PARD3B: variants seen among roughly 807,000 people sequenced by gnomAD.
The protein encoded by PARD3B is par-3 family cell polarity regulator beta.
Under a neutral mutation model 130.2 loss-of-function variants are expected in PARD3B, and 103 were observed. The observed-to-expected ratio is 0.79, with a 90% CI of 0.67 to 0.93. The LOEUF (loss-of-function observed/expected upper bound fraction) is 0.93. Among genes scored for constraint, PARD3B ranks in the 40% least tolerant of loss-of-function variants. The pLI, the probability that PARD3B is intolerant of heterozygous loss-of-function variation, is 0.00. For synonymous variants in PARD3B, 583 were observed against 553.2 expected (o/e 1.05, Z -0.76); for missense variants, 1,609 against 1,499.2 (o/e 1.07, Z -1.21).
intron 18 of PARD3B, among the ~76,000 whole-genome samples, chr2:205,329,077 A>T (rs144677033): frequency 1.3e-5 from 2 of 152,290 alleles, no homozygotes; most frequent in East Asian, 3.9e-4. Context: ...CTTCTCTGGC[A>T]TGCCATTCAT....
At chr2:204,643,765 C>T (rs1397976610) in intron 1 of PARD3B, among the ~76,000 whole-genome samples, 1 of 152,080 alleles carries the variant, frequency 6.6e-6, no homozygotes, top group Admixed American at 6.5e-5. Context: ...CTAGCAATTG[C>T]CTATTTATTC....
chr2:204,727,253 CT>C (rs1236256206), intron 2 of PARD3B, among the ~76,000 whole-genome samples: 1 of 152,150 alleles, frequency 6.6e-6, no homozygotes, highest in Non-Finnish European at 1.5e-5. Context: ...ATGTTTCATT[CT>C]CTTTGAATAG....
chr2:204,706,381 A>G (rs978574695), intron 2 of PARD3B, among the ~76,000 whole-genome samples: 7 of 147,996 alleles, frequency 4.7e-5, no homozygotes, highest in African/African-American at 1.8e-4. Flanking sequence ...AAAAAAAAAG[A>G]AAAAGAAAAA....
rs1559247097 is a variant in PARD3B at position 205,589,212 on chromosome 2, CG to C, written c.3261-26241del. ...CTGAGATAGGAGGATCTCTTGAGCC[CG>C]GGAGGTCGAGGCAGCTGTAGTAAGC... On this transcript the variant is annotated intron_variant, in intron 22 of 22. Coordinates refer to ENST00000406610, the MANE Select transcript of PARD3B (RefSeq NM_001302769.2). The surrounding 1 kb of genome is among the most constrained non-coding windows in gnomAD (Gnocchi z 4.1). Among the ~76,000 whole-genome samples the C allele has an allele frequency of 6.6e-6, 1 of 152,170 alleles. No individual in the cohort carries two copies. Among genetic ancestry groups the C allele is most frequent in the Admixed American group, 6.5e-5 (1 of 15,274 alleles).
chr2:205,343,493 G>A (rs1395615059), intron 18 of PARD3B, among the ~76,000 whole-genome samples: 2 of 152,190 alleles, frequency 1.3e-5, no homozygotes, highest in African/African-American at 2.4e-5. Flanking sequence ...ATCCTACAGG[G>A]AAACTTGTGC....
At chr2:205,598,469 A>T (rs1195323978) in intron 22 of PARD3B, among the ~76,000 whole-genome samples, 1 of 152,206 alleles carries the variant, frequency 6.6e-6, no homozygotes, top group Non-Finnish European at 1.5e-5. Context: ...ATTCATAAAA[A>T]TAAATTCTTA....
chr2:204,894,766 C>A (rs562221599), intron 2 of PARD3B, among the ~76,000 whole-genome samples: 2 of 152,022 alleles, frequency 1.3e-5, no homozygotes, highest in African/African-American at 4.8e-5. Flanking sequence ...AATTAAATTT[C>A]TTGGGTTTGT....
chr2:205,208,421 G>T (rs1341825170), intron 15 of PARD3B, among the ~76,000 whole-genome samples: 3 of 142,882 alleles, frequency 2.1e-5, no homozygotes, highest in African/African-American at 5.5e-5. Context: ...AAAAGAGGAA[G>T]TCAAATTGTC....
intron 22 of PARD3B, among the ~76,000 whole-genome samples, chr2:205,556,196 C>G (rs983289891): frequency 1.3e-5 from 2 of 152,184 alleles, no homozygotes; most frequent in African/African-American, 4.8e-5. Flanking sequence ...TAATTAAAAA[C>G]AGGAATAAAT....
chr2:205,156,014 A>T (rs913160468), intron 10 of PARD3B, among the ~76,000 whole-genome samples: 2 of 152,140 alleles, frequency 1.3e-5, no homozygotes, highest in Non-Finnish European at 2.9e-5. Context: ...AACCAACCCA[A>T]ATGTCCAACA....
chr2:204,999,539 A>C (rs1478758315), intron 3 of PARD3B, among the ~76,000 whole-genome samples: 3 of 152,218 alleles, frequency 2.0e-5, no homozygotes, highest in African/African-American at 7.2e-5. Context: ...TTCCAAGCGC[A>C]CCCAATCTTT....
chr2:204,788,987 C>T (rs907101801), intron 2 of PARD3B, among the ~76,000 whole-genome samples: 1 of 152,116 alleles, frequency 6.6e-6, no homozygotes, highest in Non-Finnish European at 1.5e-5. Context: ...CATTCACTTA[C>T]ATTTTTATCA....
chr2:204,716,877 CTCCCAAAT>C (rs2038757635), intron 2 of PARD3B, among the ~76,000 whole-genome samples: 1 of 152,126 alleles, frequency 6.6e-6, no homozygotes, highest in South Asian at 2.1e-4. Flanking sequence ...CTGCGTCGGC[CTCCCAAAT>C]TGGTGGGATT....
chr2:204,601,188 G>A (rs560659623), intron 1 of PARD3B, among the ~76,000 whole-genome samples: 53 of 151,966 alleles, frequency 3.5e-4, no homozygotes, highest in African/African-American at 1.2e-3. Context: ...ATTTGTAATA[G>A]CAATGAACAC....
At position 205,575,492 on chromosome 2, in the gene PARD3B, T is replaced by C. The variant is rs1443200507; in HGVS notation, c.3260+22089T>C. 2.0e-5 allele frequency among the ~76,000 whole-genome samples: 3 copies of C among 151,982 alleles called. No homozygotes were observed. The highest frequency in any genetic ancestry group is 7.3e-5 in the African/African-American group (3 of 41,374). On this transcript the variant is annotated intron_variant, in intron 22 of 22. Coordinates refer to ENST00000406610, the MANE Select transcript of PARD3B (RefSeq NM_001302769.2). The surrounding 1 kb of genome is among the most constrained non-coding windows in gnomAD (Gnocchi z 4.6). ...ATCATTATAGTATCATGCAAAGTGT[T>C]TTTACTGCCCTAAAAATCTTAAGTG...
intron 2 of PARD3B, among the ~76,000 whole-genome samples, chr2:204,882,739 A>G (rs1186785593): frequency 2.0e-5 from 3 of 152,244 alleles, no homozygotes; most frequent in Admixed American, 6.5e-5. Context: ...TTAGAAATAC[A>G]AAATCTTGCC....
chr2:204,919,221 A>G lies in PARD3B; in HGVS notation c.223-45931A>G, dbSNP rs557765524. ...TCCTAAGTACTTTAGCATGCATATC[A>G]TTAGCAAGAGTTTCATATTATTTAA... On this transcript the variant is annotated intron_variant, in intron 2 of 22. Transcript: ENST00000406610. Among the ~76,000 whole-genome samples, 309 of 152,306 alleles carry G rather than the reference A, an allele frequency of 2.0e-3. 1 individual carries two copies. Among genetic ancestry groups the G allele is most frequent in the African/African-American group, 7.2e-3 (298 of 41,568 alleles).
chr2:204,772,323 A>G (rs2041420394), intron 2 of PARD3B, among the ~76,000 whole-genome samples: 1 of 152,050 alleles, frequency 6.6e-6, no homozygotes, highest in Admixed American at 6.6e-5. Flanking sequence ...CAAGCATTGT[A>G]ACCACAGTAA....
At chr2:204,851,500 TAC>T (rs961962526) in intron 2 of PARD3B, among the ~76,000 whole-genome samples, 1 of 152,206 alleles carries the variant, frequency 6.6e-6, no homozygotes, top group Non-Finnish European at 1.5e-5. Context: ...AACTTTATTT[TAC>T]AGAGTTTTAT....
Sources: allele counts gnomAD v4.1 joint callset (sites outside exome capture counted in the v4.1 genomes callset), GRCh38; gene constraint gnomAD v4.1.1; non-coding constraint Gnocchi (gnomAD v3.1); transcripts MANE v1.5; gene names NCBI Gene and HGNC (gene_info 2026-07-23, HGNC 2026-07-21).